KAT6A: variants seen among roughly 807,000 people sequenced by gnomAD.
KAT6A encodes the protein histone acetyltransferase KAT6A.
KAT6A carries 9 observed loss-of-function variants against 198.4 expected under a neutral mutation model. That is an observed-to-expected ratio of 0.05 (90% CI 0.03 to 0.08). The LOEUF (loss-of-function observed/expected upper bound fraction) is 0.08. Among genes scored for constraint, KAT6A ranks in the 10% least tolerant of loss-of-function variants. The probability of loss-of-function intolerance (pLI) is 1.00; values close to 1 mark genes in which losing one functional copy is unlikely to be tolerated. For missense variants in KAT6A, 2,077 were observed against 2,509.9 expected (o/e 0.83, Z 3.69); for synonymous variants, 890 against 883.0 (o/e 1.01, Z -0.14).
Position 41,930,187 on chromosome 8 carries a change from CTCATT to C in KAT6A, c.*2013_*2017del, listed in dbSNP as rs3832594. On this transcript the variant is annotated 3_prime_UTR_variant, in exon 17 of 17. Coordinates refer to ENST00000265713, the MANE Select transcript of KAT6A (RefSeq NM_006766.5). ...ACCAACAGAAACTGATTTCACGGCC[CTCATT>C]TCAACAGCTTCTCCTTCTGCCTTGA... The C allele has an allele frequency of 0.37, 82,230 of 225,110 alleles. 16,467 individuals carry two copies. Among genetic ancestry groups the C allele is most frequent in the East Asian group, 0.61 (9,516 of 15,574 alleles). The allele number at this position is 225,110 out of a possible 1,614,324, so 13.9% of individuals were successfully genotyped here.
chr8:41,961,964 C>A (rs1295621306), intron 8 of KAT6A, among the ~76,000 whole-genome samples: 1 of 152,116 alleles, frequency 6.6e-6, no homozygotes, highest in Non-Finnish European at 1.5e-5. Context: ...CTCAAGATTA[C>A]TTCCTTGTTG....
At chr8:41,940,771 T>G in intron 15 of KAT6A, 71 bp downstream of exon 15, 1 of 1,523,264 alleles carries the variant, frequency 6.6e-7, no homozygotes, top group Non-Finnish European at 8.8e-7. Context: ...TTCAGAACTG[T>G]AAGCTAAAAC....
intron 8 of KAT6A, among the ~76,000 whole-genome samples, chr8:41,971,897 G>GA (rs140089536): frequency 0.1 from 15,527 of 148,532 alleles, 1,007 homozygotes; most frequent in East Asian, 0.24. Flanking sequence ...GTATGACAGA[G>GA]AAAAAAAAAA....
intron 2 of KAT6A, among the ~76,000 whole-genome samples, chr8:42,019,339 T>C (rs1459903012): frequency 6.6e-6 from 1 of 152,146 alleles, no homozygotes; most frequent in African/African-American, 2.4e-5. Context: ...TTCAGTACAT[T>C]AGTATATTGC....
At chr8:42,023,495 C>CAT (rs1826648928) in intron 2 of KAT6A, among the ~76,000 whole-genome samples, 1 of 149,604 alleles carries the variant, frequency 6.7e-6, no homozygotes, top group Non-Finnish European at 1.5e-5. Flanking sequence ...AATATATTTA[C>CAT]TTTTTTTTTT....
intron 16 of KAT6A, among the ~76,000 whole-genome samples, chr8:41,935,314 A>G (rs759230999): frequency 6.6e-6 from 1 of 151,782 alleles, no homozygotes; most frequent in Non-Finnish European, 1.5e-5. Flanking sequence ...GATTTACTTT[A>G]TCTCTCGGAT....
At chr8:42,001,620 C>A (rs549354661) in intron 2 of KAT6A, among the ~76,000 whole-genome samples, 1 of 152,278 alleles carries the variant, frequency 6.6e-6, no homozygotes, top group South Asian at 2.1e-4. Flanking sequence ...TGATTCTGTG[C>A]AGTGCAGAGC....
At chr8:42,034,897 T>C (rs547216077) in intron 2 of KAT6A, among the ~76,000 whole-genome samples, 10 of 152,362 alleles carry the variant, frequency 6.6e-5, no homozygotes, top group Middle Eastern at 3.4e-3. Context: ...AAAGAATGGT[T>C]AAGCAAATTA....
chr8:41,990,657 T>C (rs1021869886), intron 2 of KAT6A, among the ~76,000 whole-genome samples: 3 of 152,156 alleles, frequency 2.0e-5, no homozygotes, highest in African/African-American at 7.2e-5. Context: ...CTTTCGAGAA[T>C]GGCTAAAATT....
Position 41,987,548 on chromosome 8 carries a change from T to C in KAT6A, c.616A>G (p.Ile206Val), listed in dbSNP as rs758643302. ...HEKDKPVAEP[I>V]PICSFCLGTK... The stretch of plus-strand genomic sequence containing the variant: ...CCAAGACAGAAACTACAGATGGGGA[T>C]TGGTTCAGCAACCGGCTGTGAAGAA... The change falls in exon 3 of 17, where the codon ATC becomes GTC. Residue 206 changes from isoleucine (I) to valine (V), a missense_variant. This residue lies in a region of KAT6A where 185 missense variants were observed against 185.7 expected (regional missense o/e 1.00). Transcript: ENST00000265713. 16 of 1,610,994 alleles carry C rather than the reference T, an allele frequency of 9.9e-6. No homozygotes were observed. Among genetic ancestry groups the C allele is most frequent in the South Asian group, 2.2e-5 (2 of 90,964 alleles).
chr8:41,982,075 C>T (rs1460775204), intron 3 of KAT6A, 121 bp from the exon 4 acceptor site: 2 of 598,754 alleles, frequency 3.3e-6, no homozygotes, highest in Non-Finnish European at 6.1e-6. Flanking sequence ...TCAAATAAAG[C>T]AAGATGCACC....
At chr8:42,023,495 C>CT (rs34548516) in intron 2 of KAT6A, among the ~76,000 whole-genome samples, 92,642 of 149,610 alleles carry the variant, frequency 0.62, 29,797 homozygotes, top group African/African-American at 0.82. Flanking sequence ...AATATATTTA[C>CT]TTTTTTTTTT....
At chr8:42,022,559 A>C (rs762147308) in intron 2 of KAT6A, among the ~76,000 whole-genome samples, 6 of 152,198 alleles carry the variant, frequency 3.9e-5, no homozygotes, top group Non-Finnish European at 5.9e-5. Context: ...TTCACTTGTC[A>C]GACTGCCAAA....
intron 2 of KAT6A, among the ~76,000 whole-genome samples, chr8:42,024,505 A>G (rs1021962545): frequency 6.6e-6 from 1 of 152,190 alleles, no homozygotes; most frequent in Non-Finnish European, 1.5e-5. Context: ...TGTTAACTAC[A>G]GTTACCCCAC....
chr8:41,962,617 A>G (rs1331212485), intron 8 of KAT6A, among the ~76,000 whole-genome samples: 2 of 141,310 alleles, frequency 1.4e-5, no homozygotes, highest in Non-Finnish European at 3.1e-5. Flanking sequence ...CGCCCCCTCA[A>G]TCTACACAGG....
chr8:42,031,617 CTTTTTTTTTTTTTTTTT>C (rs11329714), intron 2 of KAT6A, among the ~76,000 whole-genome samples: 2,799 of 65,478 alleles, frequency 0.043, 91 homozygotes, highest in South Asian at 0.055. Flanking sequence ...GGAGCATTCA[CTTTTTTTTTTTTTTTTT>C]TTTTTTTTTT....
At chr8:42,003,097 C>A (rs1421903650) in intron 2 of KAT6A, among the ~76,000 whole-genome samples, 1 of 152,138 alleles carries the variant, frequency 6.6e-6, no homozygotes, top group Non-Finnish European at 1.5e-5. Flanking sequence ...TTCATCTCCA[C>A]CAGCCGGGAA....
intron 7 of KAT6A, 99 bp from the exon 8 acceptor site, chr8:41,974,921 T>C: frequency 1.5e-6 from 1 of 664,982 alleles, no homozygotes; most frequent in Admixed American, 2.6e-5. Flanking sequence ...GAACTTAATA[T>C]ATAACGAAGA....
chr8:41,951,992 G>A (rs904124034), intron 9 of KAT6A, among the ~76,000 whole-genome samples: 2 of 152,278 alleles, frequency 1.3e-5, no homozygotes, highest in South Asian at 2.1e-4. Context: ...ACACTGTACT[G>A]TCTGGGACCA....
Sources: gnomAD v4.1 joint callset for allele counts (sites outside exome capture counted in the v4.1 genomes callset) on GRCh38, gnomAD v4.1.1 for gene constraint, gnomAD v4.1.1 regional missense constraint, MANE v1.5 for transcripts, NCBI Gene and HGNC (gene_info 2026-07-23, HGNC 2026-07-21) for gene names.